SCN8A: variants seen among roughly 807,000 people sequenced by gnomAD.
SCN8A encodes sodium voltage-gated channel alpha subunit 8, also known as sodium channel protein type 8 subunit alpha.
A neutral mutation model predicts 184.1 loss-of-function variants in SCN8A; 30 were observed. That is an observed-to-expected ratio of 0.16 (90% CI 0.12 to 0.22). The LOEUF is 0.22. Ranked by LOEUF, SCN8A falls within the 10% of genes least tolerant of loss-of-function variation. SCN8A has a pLI of 1.00. For missense variants in SCN8A, 1,057 were observed against 2,498.9 expected (o/e 0.42, Z 12.30); for synonymous variants, 852 against 907.0 (o/e 0.94, Z 1.09).
intron 26 of SCN8A, among the ~76,000 whole-genome samples, chr12:51,799,600 T>C (rs758611069): frequency 1.2e-4 from 18 of 152,232 alleles, no homozygotes; most frequent in Non-Finnish European, 8.8e-5. Context: ...CTGGATCTGC[T>C]GGGTCATATA....
intron 12 of SCN8A, among the ~76,000 whole-genome samples, chr12:51,733,197 A>G (rs974713696): frequency 6.6e-6 from 1 of 152,156 alleles, no homozygotes; most frequent in African/African-American, 2.4e-5. Context: ...AGTCTGTCAT[A>G]TATGGCTTTT....
chr12:51,648,268 C>T (rs1340424809), intron 1 of SCN8A, among the ~76,000 whole-genome samples: 1 of 152,180 alleles, frequency 6.6e-6, no homozygotes, highest in African/African-American at 2.4e-5. Context: ...ACAGGTGTGA[C>T]CATGGCACAC....
At chr12:51,773,132 A>G (rs1483546885) in intron 19 of SCN8A, among the ~76,000 whole-genome samples, 1 of 151,052 alleles carries the variant, frequency 6.6e-6, no homozygotes, top group East Asian at 1.9e-4. Context: ...AAAAAAAAAG[A>G]GAGAAAGTGG....
intron 12 of SCN8A, among the ~76,000 whole-genome samples, chr12:51,742,148 A>G (rs1942437032): frequency 6.6e-6 from 1 of 152,128 alleles, no homozygotes; most frequent in African/African-American, 2.4e-5. Flanking sequence ...TTATTGTACT[A>G]TGTCTTGAAA....
intron 2 of SCN8A, among the ~76,000 whole-genome samples, chr12:51,679,076 CA>C (rs1244058171): frequency 1.1e-5 from 1 of 90,222 alleles, no homozygotes. Context: ...GCTCCGTCTC[CA>C]AAAAAAATAA....
At chr12:51,789,442 A>G (rs756214710) in intron 24 of SCN8A, 24 bp downstream of exon 24, 2 of 1,612,434 alleles carry the variant, frequency 1.2e-6, no homozygotes, top group South Asian at 2.2e-5. Context: ...CCTCATTGCC[A>G]GTGGTTGGAA....
intron 26 of SCN8A, among the ~76,000 whole-genome samples, chr12:51,803,198 AACC>A (rs1026754909): frequency 3.9e-5 from 6 of 152,130 alleles, no homozygotes; most frequent in African/African-American, 1.4e-4. Flanking sequence ...GCCCCTGTAA[AACC>A]ACTGCTGTAA....
In SCN8A at chr12:51,809,520, C is replaced by T. The variant is rs1404222465; in HGVS notation, c.*2091C>T. ...CTGTCCAGCTCTCTTAAGCCTGCTT[C>T]TGCAGCAGCATCCGTAGAATTTTTG... On this transcript the variant is annotated 3_prime_UTR_variant, in exon 27 of 27. Transcript: ENST00000627620. 3 of 152,242 alleles carry T rather than the reference C, an allele frequency of 2.0e-5. No individual in the cohort carries two copies. The highest frequency in any genetic ancestry group is 7.2e-5 in the African/African-American group (3 of 41,466). The allele number at this position is 152,242 out of a possible 1,614,324, so 9.4% of individuals were successfully genotyped here.
At chr12:51,716,943 A>G (rs1192692236) in intron 11 of SCN8A, among the ~76,000 whole-genome samples, 1 of 152,194 alleles carries the variant, frequency 6.6e-6, no homozygotes, top group Non-Finnish European at 1.5e-5. Context: ...GCCAGATACC[A>G]GACAAGTAGT....
At chr12:51,743,655 G>A (rs1341009096) in intron 12 of SCN8A, among the ~76,000 whole-genome samples, 1 of 152,196 alleles carries the variant, frequency 6.6e-6, no homozygotes, top group African/African-American at 2.4e-5. Flanking sequence ...CTCGCCCAAG[G>A]CCCGCTGTAA....
At chr12:51,724,399 A>G (rs1284372983) in intron 12 of SCN8A, among the ~76,000 whole-genome samples, 1 of 152,198 alleles carries the variant, frequency 6.6e-6, no homozygotes, top group African/African-American at 2.4e-5. Context: ...ATGAGCCAAG[A>G]TTGCGCCATT....
chr12:51,761,462 TTTA>T (rs1412567016), intron 14 of SCN8A, among the ~76,000 whole-genome samples: 9 of 149,140 alleles, frequency 6.0e-5, no homozygotes, highest in African/African-American at 2.0e-4. Context: ...TATTTATTTA[TTTA>T]TTATTATTTA....
intron 12 of SCN8A, among the ~76,000 whole-genome samples, chr12:51,745,012 A>G (rs1776261911): frequency 1.3e-5 from 2 of 152,174 alleles, no homozygotes; most frequent in African/African-American, 4.8e-5. Context: ...TGGTACAGTG[A>G]ACAACATGGT....
intron 1 of SCN8A, among the ~76,000 whole-genome samples, chr12:51,640,960 T>G (rs1389053366): frequency 3.3e-5 from 5 of 152,240 alleles, no homozygotes; most frequent in East Asian, 3.8e-4. Context: ...ATGAGAGAGA[T>G]AACTTTGAAT....
chr12:51,779,934 A>G (rs572163168), intron 20 of SCN8A, among the ~76,000 whole-genome samples: 2 of 152,278 alleles, frequency 1.3e-5, no homozygotes, highest in South Asian at 4.2e-4. Flanking sequence ...AAAGTGAGAG[A>G]TAGAAGGATG....
chr12:51,802,771 T>C (rs1380792728), intron 26 of SCN8A, among the ~76,000 whole-genome samples: 1 of 152,196 alleles, frequency 6.6e-6, no homozygotes, highest in African/African-American at 2.4e-5. Flanking sequence ...ACTCCTTGCC[T>C]CTCAAGAACG....
Position 51,706,469 on chromosome 12 carries a change from A to G in SCN8A, c.1389A>G (p.Ile463Met). ...CAGGAACTGTCTCAGAAGATGCCATAGAGGAAGAAGGTGAAGAAGGAGGGG... is the reference window on the plus strand; with the variant it reads ...CAGGAACTGTCTCAGAAGATGCCATGGAGGAAGAAGGTGAAGAAGGAGGGG... Reference protein sequence around the residue: ...TSAGTVSEDAIEEEGEEGGGS... With the variant: ...TSAGTVSEDAMEEEGEEGGGS... The change falls in exon 11 of 27, where the codon ATA (isoleucine) becomes ATG (methionine). Residue 463 changes from isoleucine (I) to methionine (M), a missense_variant. This residue lies in a region of SCN8A where 322 missense variants were observed against 390.1 expected (regional missense o/e 0.83). Coordinates refer to ENST00000627620, the MANE Select transcript of SCN8A (RefSeq NM_001330260.2). 6.2e-7 allele frequency: 1 copy of G among 1,605,088 alleles called. No individual in the cohort carries two copies. The highest frequency in any genetic ancestry group is 8.5e-7 in the Non-Finnish European group (1 of 1,176,060).
chr12:51,662,975 C>G lies in SCN8A; in HGVS notation c.158C>G (p.Pro53Arg), dbSNP rs1057524711. Reference protein sequence around the residue: ...SHREDDEDSKPKPNSDLEAGK... With the variant: ...SHREDDEDSKRKPNSDLEAGK... ...CGGGAGGACGATGAGGACAGCAAGC[C>G]CAAGCCAAACAGCGACCTGGAAGCA... Residue 53 changes from proline (P) to arginine (R), a missense_variant, in exon 2 of 27, where the codon CCC becomes CGC. Around this residue, in one of 19 missense-constraint regions of SCN8A, gnomAD observed 45 missense variants for 71.3 expected, o/e 0.63. Coordinates refer to ENST00000627620, the MANE Select transcript of SCN8A (RefSeq NM_001330260.2). The G allele has an allele frequency of 6.2e-7, 1 of 1,613,978 alleles. No individual in the cohort carries two copies. The highest frequency in any genetic ancestry group is 8.5e-7 in the Non-Finnish European group (1 of 1,179,902).
At chr12:51,635,186 C>G (rs1360523376) in intron 1 of SCN8A, among the ~76,000 whole-genome samples, 1 of 152,158 alleles carries the variant, frequency 6.6e-6, no homozygotes, top group East Asian at 1.9e-4. Flanking sequence ...TCTTACTGTT[C>G]GTAGAACAGA....
Sources: gnomAD v4.1 joint callset for allele counts (sites outside exome capture counted in the v4.1 genomes callset) on GRCh38, gnomAD v4.1.1 for gene constraint, gnomAD v4.1.1 regional missense constraint, MANE v1.5 for transcripts, NCBI Gene and HGNC (gene_info 2026-07-23, HGNC 2026-07-21) for gene names.